YLPM1: variants seen among roughly 807,000 people sequenced by gnomAD.
The protein encoded by YLPM1 is YLP motif-containing protein 1.
In YLPM1, 99 loss-of-function variants were observed where a neutral mutation model predicts 230.0. That is an observed-to-expected ratio of 0.43 (90% CI 0.37 to 0.51). YLPM1 has a LOEUF of 0.51. Ranked by LOEUF, YLPM1 falls within the 20% of genes least tolerant of loss-of-function variation. The pLI is 0.00. For missense variants in YLPM1, 2,592 were observed against 2,707.7 expected, an observed-to-expected ratio of 0.96 and a Z score of 0.95; for synonymous variants, 984 against 942.5, an observed-to-expected ratio of 1.04 and a Z score of -0.81.
chr14:74,766,257 A>T (rs1364634722), intron 1 of YLPM1, among the ~76,000 whole-genome samples: 1 of 152,140 alleles, frequency 6.6e-6, no homozygotes, highest in Non-Finnish European at 1.5e-5. Context: ...GATGATAAAT[A>T]TTTCTTCATG....
At position 74,812,800 on chromosome 14, in the gene YLPM1, G is replaced by A. The variant is rs745590390; in HGVS notation, c.5502+18G>A. The A allele has an allele frequency of 4.7e-5, 76 of 1,606,316 alleles. No homozygotes were observed. The highest frequency in any genetic ancestry group is 6.5e-5 in the Non-Finnish European group (76 of 1,175,520). ...CTGAGAGAGTGAGTCCTATGAAGTT[G>A]ATTCGTCTTCGTGCAAACCAGAAGA... On this transcript the variant is annotated intron_variant, in intron 11 of 20. Transcript: ENST00000325680.
At chr14:74,805,310 C>T (rs546302829) in intron 6 of YLPM1, among the ~76,000 whole-genome samples, 46 of 151,528 alleles carry the variant, frequency 3.0e-4, no homozygotes, top group Admixed American at 4.6e-4. Flanking sequence ...CATGAACCAC[C>T]GCACCCGGCC....
intron 4 of YLPM1, among the ~76,000 whole-genome samples, chr14:74,790,336 T>C (rs768843050): frequency 6.6e-6 from 1 of 152,176 alleles, no homozygotes; most frequent in South Asian, 2.1e-4. Flanking sequence ...GGACCTTGGT[T>C]ATACATATTT....
In YLPM1 at chr14:74,798,181, A is replaced by G; in HGVS notation, c.2884A>G (p.Thr962Ala). The change falls in exon 5 of 21, where the codon ACA becomes GCA. Residue 962 changes from threonine (T) to alanine (A), a missense_variant. Transcript: ENST00000325680. Reference protein sequence around the residue: ...VPAQSTFPSKTGGMEGGTAVA... With the variant: ...VPAQSTFPSKAGGMEGGTAVA... ...TGCTCAATCTACTTTTCCTTCAAAA[A>G]CAGGGGGGATGGAGGGAGGAACAGC... is the stretch of plus-strand genomic sequence containing the variant. The G allele has an allele frequency of 6.2e-7, 1 of 1,613,994 alleles. No individual in the cohort carries two copies.
intron 10 of YLPM1, 97 bp downstream of exon 10, chr14:74,811,835 C>T (rs935906321): frequency 6.3e-6 from 5 of 796,800 alleles, no homozygotes; most frequent in South Asian, 2.4e-5. Flanking sequence ...TAGAGTAAAA[C>T]GTATTCACAG....
chr14:74,763,415 T>A lies in YLPM1; in HGVS notation c.-75T>A. 1 of 1,372,232 alleles carries A rather than the reference T, an allele frequency of 7.3e-7. No homozygotes were observed. The highest frequency in any genetic ancestry group is 9.5e-7 in the Non-Finnish European group (1 of 1,055,640). The allele number at this position is 1,372,232 out of a possible 1,614,324, so 85.0% of individuals were successfully genotyped here. ...GCGCCGCGAGTTCCGGCTGTCGCCGTCGCCGCCGCGGCTCCTGGAGGTCGG... is the reference window on the plus strand; with the variant it reads ...GCGCCGCGAGTTCCGGCTGTCGCCGACGCCGCCGCGGCTCCTGGAGGTCGG... On this transcript the variant is annotated 5_prime_UTR_variant, in exon 1 of 21. Transcript: ENST00000325680.
Position 74,798,550 on chromosome 14 carries a change from A to G in YLPM1, c.3253A>G (p.Arg1085Gly). The G allele has an allele frequency of 6.2e-7, 1 of 1,613,926 alleles. No homozygotes were observed. The highest frequency in any genetic ancestry group is 8.5e-7 in the Non-Finnish European group (1 of 1,179,864). ...GEGSRDRGLV[R>G]PGSSREKVPG... ...AGGTAGCCGGGACAGAGGGTTGGTG[A>G]GGCCTGGAAGCAGTCGGGAGAAAGT... The change falls in exon 5 of 21, where the codon AGG becomes GGG. Residue 1085 changes from arginine to glycine, a missense_variant. Physicochemically the swap from Arg to Gly is moderately radical, Grantham distance 125. Around this residue, in one of 4 missense-constraint regions of YLPM1, gnomAD observed 1,862 missense variants for 1,819.8 expected, o/e 1.02. Coordinates refer to ENST00000325680, the MANE Select transcript of YLPM1 (RefSeq NM_019589.3).
At chr14:74,810,720 T>TTTA (rs34344967) in intron 9 of YLPM1, among the ~76,000 whole-genome samples, 170 of 150,338 alleles carry the variant, frequency 1.1e-3, no homozygotes, top group Middle Eastern at 3.5e-3. Context: ...GAGCTTTTTA[T>TTTA]TTATTATTAT....
chr14:74,777,580 T>A (rs908752715), intron 1 of YLPM1, among the ~76,000 whole-genome samples: 30 of 148,474 alleles, frequency 2.0e-4, no homozygotes, highest in African/African-American at 5.5e-4. Flanking sequence ...AAAAAAAAAA[T>A]AAATAAAACA....
At chr14:74,787,331 C>T (rs28515909) in intron 4 of YLPM1, among the ~76,000 whole-genome samples, 1,566 of 152,128 alleles carry the variant, frequency 0.01, 27 homozygotes, top group African/African-American at 0.035. Flanking sequence ...GGGAGGCTGA[C>T]GCGGGCAGAT....
chr14:74,827,297 T>C (rs1427053295), intron 18 of YLPM1: 6 of 968,032 alleles, frequency 6.2e-6, no homozygotes, highest in Non-Finnish European at 7.4e-6. Context: ...TGAACACCAG[T>C]CTTTATTCTG....
Position 74,809,816 on chromosome 14 carries a change from C to G in YLPM1, c.4939+19C>G. 5 of 1,612,520 alleles carry G rather than the reference C, an allele frequency of 3.1e-6. No individual in the cohort carries two copies. Among genetic ancestry groups the G allele is most frequent in the Non-Finnish European group, 4.2e-6 (5 of 1,179,456 alleles). On this transcript the variant is annotated intron_variant, in intron 7 of 20. Coordinates refer to ENST00000325680, the MANE Select transcript of YLPM1 (RefSeq NM_019589.3). ...GGCCGAGGTGAGTAATGATAGTGCA[C>G]TTGTATTTGGGATTCTACAGGAATT...
At chr14:74,776,837 TCAC>T (rs2140081825) in intron 1 of YLPM1, among the ~76,000 whole-genome samples, 1 of 152,152 alleles carries the variant, frequency 6.6e-6, no homozygotes, top group Admixed American at 6.5e-5. Flanking sequence ...CCAAGGTGGA[TCAC>T]TTGAGTCCAG....
At position 74,836,937 on chromosome 14, in the gene YLPM1, G is replaced by C. The variant is rs577684301; in HGVS notation, c.*1199G>C. On this transcript the variant is annotated 3_prime_UTR_variant, in exon 21 of 21. Coordinates refer to ENST00000325680, the MANE Select transcript of YLPM1 (RefSeq NM_019589.3). Reference sequence around the variant, plus strand: ...AAAGTCATCTTTTAGCATGAAAGAAGATGAGAGAGCCTTCTTCCTCAAGCA... The same window carrying C: ...AAAGTCATCTTTTAGCATGAAAGAACATGAGAGAGCCTTCTTCCTCAAGCA... The C allele has an allele frequency of 1.3e-3, 202 of 152,430 alleles. 4 individuals are homozygous for C. Among genetic ancestry groups the C allele is most frequent in the Non-Finnish European group, 2.9e-4 (20 of 68,028 alleles). 9.4% of individuals were successfully genotyped at this position (152,430 alleles called of 1,614,324 possible).
chr14:74,804,161 C>G (rs556849583), intron 6 of YLPM1, among the ~76,000 whole-genome samples: 5 of 152,134 alleles, frequency 3.3e-5, no homozygotes, highest in Non-Finnish European at 7.4e-5. Context: ...ATCTCAAAAT[C>G]AAAACAAAAC....
At chr14:74,833,499 G>A (rs1439161776) in intron 19 of YLPM1, among the ~76,000 whole-genome samples, 3 of 152,010 alleles carry the variant, frequency 2.0e-5, no homozygotes, top group Non-Finnish European at 4.4e-5. Context: ...GTGATCTGCC[G>A]GCCTCGGCCT....
chr14:74,793,445 G>A (rs1566748542), intron 4 of YLPM1, among the ~76,000 whole-genome samples: 1 of 151,898 alleles, frequency 6.6e-6, no homozygotes, highest in East Asian at 1.9e-4. Flanking sequence ...TGGTTCTTCT[G>A]GCGTTGATCT....
chr14:74,793,352 A>C (rs1370036297), intron 4 of YLPM1, among the ~76,000 whole-genome samples: 1 of 151,904 alleles, frequency 6.6e-6, no homozygotes, highest in Non-Finnish European at 1.5e-5. Flanking sequence ...TTTATCTTAC[A>C]TTTTGTTGTA....
At position 74,782,004 on chromosome 14, in the gene YLPM1, C is replaced by G. The variant is rs528287760; in HGVS notation, c.1961C>G (p.Ala654Gly). Residue 654 changes from alanine to glycine, a missense_variant, in exon 4 of 21, where the codon GCC (alanine) becomes GGC (glycine). Physicochemically the swap from Ala to Gly is moderately conservative, Grantham distance 60. Around this residue, in one of 4 missense-constraint regions of YLPM1, gnomAD observed 1,862 missense variants for 1,819.8 expected, o/e 1.02. Coordinates refer to ENST00000325680, the MANE Select transcript of YLPM1 (RefSeq NM_019589.3). ...PQLTAAPVPP[A>G]SSSQSSQVPE... ...TTAACAGCAGCCCCAGTTCCACCAGCCTCCAGTTCACAGAGCTCGCAAGTT... is the reference window on the plus strand; with the variant it reads ...TTAACAGCAGCCCCAGTTCCACCAGGCTCCAGTTCACAGAGCTCGCAAGTT... 9.9e-6 allele frequency: 16 copies of G among 1,613,802 alleles called. No individual in the cohort carries two copies. The African/African-American group carries it at 1.2e-4, about 12-fold the overall frequency.
Sources: allele counts gnomAD v4.1 joint callset (sites outside exome capture counted in the v4.1 genomes callset), GRCh38; gene constraint gnomAD v4.1.1; regional missense constraint gnomAD v4.1.1; transcripts MANE v1.5; gene names NCBI Gene and HGNC (gene_info 2026-07-23, HGNC 2026-07-21).